The following LYPD6B variants were observed in gnomAD, a reference collection of about 807,000 sequenced individuals.
LYPD6B encodes ly6/PLAUR domain-containing protein 6B.
LYPD6B carries 17 observed loss-of-function variants against 22.8 expected under a neutral mutation model. The observed-to-expected ratio is 0.75, with a 90% CI of 0.51 to 1.12. The LOEUF (loss-of-function observed/expected upper bound fraction) is 1.12. LYPD6B is among the 50% of genes most tolerant of loss of function. LYPD6B has a pLI of 0.00. For synonymous variants in LYPD6B, 106 were observed against 91.6 expected, an observed-to-expected ratio of 1.16 and a Z score of -0.90; for missense variants, 221 against 258.3, an observed-to-expected ratio of 0.86 and a Z score of 0.99.
At chr2:149,120,335 A>G (rs71350084) in intron 1 of LYPD6B, among the ~76,000 whole-genome samples, 6 of 122,524 alleles carry the variant, frequency 4.9e-5, no homozygotes, top group South Asian at 5.1e-4. Flanking sequence ...GTATATATAT[A>G]TGTGTATATA....
At chr2:149,101,159 T>C (rs1032262081) in intron 1 of LYPD6B, 5 of 152,248 alleles carry the variant, frequency 3.3e-5, no homozygotes, top group African/African-American at 9.6e-5. Context: ...AGCTATTCAA[T>C]ATCAGCGCGA....
intron 1 of LYPD6B, among the ~76,000 whole-genome samples, chr2:149,108,199 AG>A (rs1216787209): frequency 1.3e-5 from 2 of 152,170 alleles, no homozygotes; most frequent in Non-Finnish European, 2.9e-5. Flanking sequence ...CATCTATGTA[AG>A]ACATGACTTG....
At chr2:149,169,701 G>C (rs1458154466) in intron 3 of LYPD6B, among the ~76,000 whole-genome samples, 1 of 152,156 alleles carries the variant, frequency 6.6e-6, no homozygotes, top group Non-Finnish European at 1.5e-5. Context: ...TAGTTCTGGG[G>C]ATTGTCTTCC....
chr2:149,071,218 C>G lies in LYPD6B; in HGVS notation c.-67+32417C>G, dbSNP rs141963648. Among the ~76,000 whole-genome samples, 451 of 152,216 alleles carry G rather than the reference C, an allele frequency of 3.0e-3. 1 individual carries two copies. The highest frequency in any genetic ancestry group is 0.01 in the African/African-American group (434 of 41,536). Reference sequence around the variant, plus strand: ...ATTCAAGATAAGACTATAACAGTTGCCTTGGGGAAAATTCTTTTAGTCAAT... The same window carrying G: ...ATTCAAGATAAGACTATAACAGTTGGCTTGGGGAAAATTCTTTTAGTCAAT... On this transcript the variant is annotated intron_variant, in intron 1 of 6. Coordinates refer to ENST00000409642, the MANE Select transcript of LYPD6B (RefSeq NM_177964.5).
chr2:149,154,389 G>A (rs1266277018), intron 2 of LYPD6B, among the ~76,000 whole-genome samples: 1 of 152,192 alleles, frequency 6.6e-6, no homozygotes, highest in Non-Finnish European at 1.5e-5. Flanking sequence ...ACCTTCCTCA[G>A]AGCCTCCAGA....
intron 1 of LYPD6B, among the ~76,000 whole-genome samples, chr2:149,053,092 G>A (rs536674237): frequency 2.0e-5 from 3 of 152,120 alleles, no homozygotes; most frequent in Non-Finnish European, 4.4e-5. Context: ...ATTCGCATGT[G>A]TCTACCAGCT....
At chr2:149,156,557 T>C (rs1689714259) in intron 2 of LYPD6B, among the ~76,000 whole-genome samples, 1 of 152,236 alleles carries the variant, frequency 6.6e-6, no homozygotes, top group South Asian at 2.1e-4. Context: ...TTCTGAGGCC[T>C]GTCTGCATAG....
chr2:149,105,372 G>T (rs911811499), intron 1 of LYPD6B, among the ~76,000 whole-genome samples: 1 of 152,130 alleles, frequency 6.6e-6, no homozygotes, highest in Non-Finnish European at 1.5e-5. Context: ...GATTTTGATT[G>T]TATGGTGTAT....
intron 2 of LYPD6B, among the ~76,000 whole-genome samples, chr2:149,142,620 A>G (rs1688761843): frequency 6.6e-6 from 1 of 152,156 alleles, no homozygotes; most frequent in African/African-American, 2.4e-5. Flanking sequence ...TATAATGCTT[A>G]TCAACCTCTC....
chr2:149,125,158 A>G (rs983898453), intron 1 of LYPD6B, among the ~76,000 whole-genome samples: 4 of 152,082 alleles, frequency 2.6e-5, no homozygotes, highest in African/African-American at 9.7e-5. Flanking sequence ...GATTGGTAAA[A>G]CCCAGGAACT....
intron 1 of LYPD6B, among the ~76,000 whole-genome samples, chr2:149,104,976 G>A (rs12995477): frequency 0.066 from 10,031 of 152,214 alleles, 414 homozygotes; most frequent in Middle Eastern, 0.13. Flanking sequence ...TTCAATGCAT[G>A]TATATATAGT....
intron 3 of LYPD6B, among the ~76,000 whole-genome samples, chr2:149,176,389 G>C (rs570404082): frequency 6.6e-6 from 1 of 152,330 alleles, no homozygotes; most frequent in East Asian, 1.9e-4. Flanking sequence ...GTGTCCAAGA[G>C]AGCAGACAAC....
intron 1 of LYPD6B, among the ~76,000 whole-genome samples, chr2:149,106,079 T>G (rs951898383): frequency 6.6e-6 from 1 of 152,122 alleles, no homozygotes; most frequent in Non-Finnish European, 1.5e-5. Context: ...TTTGTTAATA[T>G]GGTAAATTAC....
At chr2:149,210,160 A>G (rs1693758243) in intron 5 of LYPD6B, among the ~76,000 whole-genome samples, 1 of 152,168 alleles carries the variant, frequency 6.6e-6, no homozygotes, top group Admixed American at 6.5e-5. Context: ...GTCTGTACAT[A>G]ATGCTCCAAC....
At chr2:149,170,834 C>T (rs1003207799) in intron 3 of LYPD6B, among the ~76,000 whole-genome samples, 3 of 152,224 alleles carry the variant, frequency 2.0e-5, no homozygotes, top group African/African-American at 7.2e-5. Flanking sequence ...GCTATTCTGT[C>T]ACCTTTCTTT....
intron 3 of LYPD6B, among the ~76,000 whole-genome samples, chr2:149,175,061 C>CTCTCTCTCTCTCTCTCTCTCTGTGTG (rs1454802925): frequency 8.8e-6 from 1 of 113,002 alleles, no homozygotes; most frequent in Non-Finnish European, 1.8e-5. Flanking sequence ...CTCTCTCTCT[C>CTCTCTCTCTCTCTCTCTCTCTGTGTG]TGTGTGTGTG....
chr2:149,122,668 C>T (rs1341007702), intron 1 of LYPD6B, among the ~76,000 whole-genome samples: 1 of 146,030 alleles, frequency 6.8e-6, no homozygotes, highest in African/African-American at 2.5e-5. Context: ...GAGCATGTTT[C>T]TCATTTCAGT....
chr2:149,212,536 A>T (rs1693940743), intron 5 of LYPD6B, among the ~76,000 whole-genome samples: 1 of 152,130 alleles, frequency 6.6e-6, no homozygotes, highest in Admixed American at 6.5e-5. Flanking sequence ...ATTAGTATAC[A>T]AGAGAAAAAT....
At position 149,124,479 on chromosome 2, in the gene LYPD6B, C is replaced by T. The variant is rs112627105; in HGVS notation, c.-66-6404C>T. Among the ~76,000 whole-genome samples the T allele has an allele frequency of 4.6e-3, 698 of 152,204 alleles. 4 individuals are homozygous for T. Among genetic ancestry groups the T allele is most frequent in the African/African-American group, 0.015 (640 of 41,528 alleles). ...CCCGTGATGTTAAGTGGGCATCACA[C>T]GATACAACGAACAGGTGTGCATGCT... On this transcript the variant is annotated intron_variant, in intron 1 of 6. Coordinates refer to ENST00000409642, the MANE Select transcript of LYPD6B (RefSeq NM_177964.5).
Sources: allele counts gnomAD v4.1 joint callset (sites outside exome capture counted in the v4.1 genomes callset), GRCh38; gene constraint gnomAD v4.1.1; transcripts MANE v1.5; gene names NCBI Gene and HGNC (gene_info 2026-07-23, HGNC 2026-07-21).